Variants in GLG1 observed in about 807,000 individuals in gnomAD.
GLG1 encodes golgi glycoprotein 1.
A neutral mutation model predicts 160.5 loss-of-function variants in GLG1; 38 were observed. The observed-to-expected ratio is 0.24, with a 90% confidence interval of 0.18 to 0.31. The LOEUF (loss-of-function observed/expected upper bound fraction) is 0.31, where lower values mean the gene tolerates loss of function less well. Ranked by LOEUF, GLG1 falls within the 10% of genes least tolerant of loss-of-function variation. GLG1 has a pLI of 1.00. For synonymous variants in GLG1, 644 were observed against 543.4 expected (o/e 1.19, Z -2.57); for missense variants, 1,373 against 1,505.2 (o/e 0.91, Z 1.45).
chr16:74,477,929 C>T (rs913752651), intron 11 of GLG1, among the ~76,000 whole-genome samples: 1 of 151,438 alleles, frequency 6.6e-6, no homozygotes, highest in Non-Finnish European at 1.5e-5. Flanking sequence ...GCTGAGATTG[C>T]ACTACTGCAC....
At chr16:74,589,418 C>A (rs939400343) in intron 1 of GLG1, among the ~76,000 whole-genome samples, 1 of 152,104 alleles carries the variant, frequency 6.6e-6, no homozygotes, top group African/African-American at 2.4e-5. Flanking sequence ...AGAGAAGCAG[C>A]GGGCTGTGCT....
intron 1 of GLG1, among the ~76,000 whole-genome samples, chr16:74,597,625 T>C (rs1958336270): frequency 6.6e-6 from 1 of 151,454 alleles, no homozygotes; most frequent in African/African-American, 2.4e-5. Context: ...AGGCCGAAGC[T>C]GGCGGATAAC....
At chr16:74,466,360 G>A (rs1481699072) in intron 18 of GLG1, among the ~76,000 whole-genome samples, 1 of 152,232 alleles carries the variant, frequency 6.6e-6, no homozygotes, top group East Asian at 1.9e-4. Flanking sequence ...AAAGTGTCAT[G>A]AAATGAATTT....
At position 74,496,593 on chromosome 16, in the gene GLG1, T is replaced by C; in HGVS notation, c.826A>G (p.Lys276Glu). 6.2e-7 allele frequency: 1 copy of C among 1,613,466 alleles called. No individual in the cohort carries two copies. Among genetic ancestry groups the C allele is most frequent in the Non-Finnish European group, 8.5e-7 (1 of 1,179,482 alleles). The change falls in exon 5 of 26, where the codon AAA becomes GAA. Residue 276 changes from lysine (K) to glutamate (E), a missense_variant. By Grantham distance (56) the Lys-to-Glu change is moderately conservative (BLOSUM62 1). Around this residue, in one of 4 missense-constraint regions of GLG1, gnomAD observed 174 missense variants for 229.9 expected, o/e 0.76. Coordinates refer to ENST00000422840, the MANE Select transcript of GLG1 (RefSeq NM_001145667.2). The stretch of plus-strand genomic sequence containing the variant: ...TTGGGTTCTCTTTCTTCTGCTTCTT[T>C]CACCAGGCCTTTCTCCAAGCATGAT... ...VVSCLEKGLV[K>E]EAEEREPKIQ...
At chr16:74,559,702 CGA>C (rs2018455245) in intron 1 of GLG1, among the ~76,000 whole-genome samples, 1 of 151,860 alleles carries the variant, frequency 6.6e-6, no homozygotes, top group Non-Finnish European at 1.5e-5. Context: ...TCATTCCCAC[CGA>C]GATTACGTCT....
At chr16:74,574,820 G>GTT (rs1287282149) in intron 1 of GLG1, among the ~76,000 whole-genome samples, 2 of 135,686 alleles carry the variant, frequency 1.5e-5, no homozygotes, top group Non-Finnish European at 3.1e-5. Flanking sequence ...GGAGGTGGAG[G>GTT]TTGCAGTGAG....
chr16:74,498,691 C>A lies in GLG1; in HGVS notation c.775-2047G>T, dbSNP rs371500121. On this transcript the variant is annotated intron_variant, in intron 4 of 25. Coordinates refer to ENST00000422840, the MANE Select transcript of GLG1 (RefSeq NM_001145667.2). Reference sequence around the variant, plus strand: ...ACCAGCCTGGCCAACATGGTGAAACCCTGTCTCTACTAAAAATTCAAAAAT... The same window carrying A: ...ACCAGCCTGGCCAACATGGTGAAACACTGTCTCTACTAAAAATTCAAAAAT... Among the ~76,000 whole-genome samples, 521 of 148,774 alleles carry A rather than the reference C, an allele frequency of 3.5e-3. 2 individuals are homozygous for A. The highest frequency in any genetic ancestry group is 0.012 in the African/African-American group (500 of 40,688).
rs2016483407 is a variant in GLG1, at chr16:74,503,407, C to A, written c.774+124G>T. ...GCCTTAGCTCTTAGGGCTGTCTGGACAAGTTTCTTCAATTTCAACTTAAGG... is the reference window on the plus strand; with the variant it reads ...GCCTTAGCTCTTAGGGCTGTCTGGAAAAGTTTCTTCAATTTCAACTTAAGG... On this transcript the variant is annotated intron_variant, in intron 4 of 25. Coordinates refer to ENST00000422840, the MANE Select transcript of GLG1 (RefSeq NM_001145667.2). 5.7e-6 allele frequency: 4 copies of A among 697,168 alleles called. No homozygotes were observed. The Admixed American group carries it at 9.4e-5, about 16-fold the overall frequency. 43.2% of individuals were successfully genotyped at this position (697,168 alleles called of 1,614,324 possible).
intron 14 of GLG1, among the ~76,000 whole-genome samples, chr16:74,472,107 T>C (rs551666075): frequency 1.3e-5 from 2 of 152,286 alleles, no homozygotes; most frequent in African/African-American, 2.4e-5. Context: ...AGTTTTGCCA[T>C]GTTGCCCAGG....
intron 1 of GLG1, among the ~76,000 whole-genome samples, chr16:74,547,349 T>C (rs1184851471): frequency 6.6e-6 from 1 of 151,376 alleles, no homozygotes; most frequent in African/African-American, 2.4e-5. Flanking sequence ...ACTAATCACA[T>C]TTCGCTTTAG....
At chr16:74,509,027 G>C (rs916361008) in intron 2 of GLG1, 102 bp from the exon 3 acceptor site, 6 of 604,194 alleles carry the variant, frequency 9.9e-6, no homozygotes, top group African/African-American at 9.1e-5. Context: ...TACAGAGTCA[G>C]ACAAAGCATA....
chr16:74,543,166 G>A lies in GLG1; in HGVS notation c.439-11013C>T, dbSNP rs528990512. 2.6e-5 allele frequency among the ~76,000 whole-genome samples: 4 copies of A among 152,204 alleles called. No homozygotes were observed. The East Asian group carries it at 7.7e-4, about 29-fold the overall frequency. On this transcript the variant is annotated intron_variant, in intron 1 of 25. Transcript: ENST00000422840. ...GTATAACCCAGTGCAAATTACTGGTGCTTCTGAAGAGTACAGCTTGGATTC... is the reference window on the plus strand; with the variant it reads ...GTATAACCCAGTGCAAATTACTGGTACTTCTGAAGAGTACAGCTTGGATTC...
At chr16:74,496,329 C>T (rs1056794709) in intron 5 of GLG1, 112 bp downstream of exon 5, 10 of 754,702 alleles carry the variant, frequency 1.3e-5, no homozygotes, top group Non-Finnish European at 2.1e-5. Flanking sequence ...CCAGCCTGGG[C>T]AACATAGCAA....
At chr16:74,545,953 T>C (rs1344216135) in intron 1 of GLG1, among the ~76,000 whole-genome samples, 3 of 152,212 alleles carry the variant, frequency 2.0e-5, no homozygotes. Context: ...TCAGTTTAAA[T>C]GTCATGCATT....
intron 11 of GLG1, among the ~76,000 whole-genome samples, chr16:74,478,584 G>A (rs1325905515): frequency 6.6e-6 from 1 of 152,162 alleles, no homozygotes; most frequent in Non-Finnish European, 1.5e-5. Flanking sequence ...ACACAACACT[G>A]TAAATGTACT....
At chr16:74,501,467 C>T (rs1447457315) in intron 4 of GLG1, among the ~76,000 whole-genome samples, 2 of 152,196 alleles carry the variant, frequency 1.3e-5, no homozygotes, top group South Asian at 2.1e-4. Flanking sequence ...ACAATCCTGT[C>T]GTGCCTTTTG....
intron 1 of GLG1, among the ~76,000 whole-genome samples, chr16:74,583,146 G>C (rs1597370973): frequency 2.0e-5 from 3 of 152,066 alleles, no homozygotes; most frequent in Non-Finnish European, 4.4e-5. Flanking sequence ...GCTGTCCCCA[G>C]GGCTCAGTCC....
chr16:74,475,734 ATC>A (rs1456018723), intron 12 of GLG1, among the ~76,000 whole-genome samples: 2 of 152,202 alleles, frequency 1.3e-5, no homozygotes, highest in Admixed American at 6.5e-5. Context: ...TTCTGCAAGA[ATC>A]TCTCTGTTTC....
intron 1 of GLG1, among the ~76,000 whole-genome samples, chr16:74,598,397 T>A (rs1958355536): frequency 6.6e-6 from 1 of 151,626 alleles, no homozygotes; most frequent in African/African-American, 2.4e-5. Context: ...GGCGGGCGCC[T>A]GTAGTCCCAG....
Sources: allele counts gnomAD v4.1 joint callset (sites outside exome capture counted in the v4.1 genomes callset), GRCh38; gene constraint gnomAD v4.1.1; regional missense constraint gnomAD v4.1.1; transcripts MANE v1.5; gene names NCBI Gene and HGNC (gene_info 2026-07-23, HGNC 2026-07-21).